Variants in JADE3 observed in about 807,000 individuals in gnomAD.
The protein encoded by JADE3 is protein Jade-3.
In JADE3, 2 loss-of-function variants were observed where a neutral mutation model predicts 50.1. The observed-to-expected ratio is 0.04, with a 90% CI of 0.02 to 0.13. The LOEUF is 0.13. Among genes scored for constraint, JADE3 ranks in the 10% least tolerant of loss-of-function variants. The probability of loss-of-function intolerance (pLI) is 1.00; values close to 1 mark genes in which losing one functional copy is unlikely to be tolerated. For missense variants in JADE3, 475 were observed against 634.4 expected, an observed-to-expected ratio of 0.75 and a Z score of 2.70; for synonymous variants, 218 against 232.9, an observed-to-expected ratio of 0.94 and a Z score of 0.58.
At chrX:47,018,948 TAGACTACACATGGCCTTTC>T (rs1298588527) in intron 4 of JADE3, among the ~76,000 whole-genome samples, 1 of 112,092 alleles carries the variant, frequency 8.9e-6, no homozygotes, top group Non-Finnish European at 1.9e-5. Context: ...TTGGATAACA[TAGACTACACATGGCCTTTC>T]CATTAGTTTG....
chrX:46,943,529 A>G (rs899084197), intron 1 of JADE3, among the ~76,000 whole-genome samples: 1 of 112,365 alleles, frequency 8.9e-6, no homozygotes, highest in Non-Finnish European at 1.9e-5. Flanking sequence ...ATTGAATTGC[A>G]TATGTTGAAC....
intron 1 of JADE3, among the ~76,000 whole-genome samples, chrX:46,949,295 CATA>C (rs1468574071): frequency 9.0e-6 from 1 of 111,670 alleles, no homozygotes; most frequent in Non-Finnish European, 1.9e-5. Flanking sequence ...GGGGCTGTTA[CATA>C]TAGTGCTTAT....
chrX:47,021,112 A>G (rs1928784555), intron 4 of JADE3, among the ~76,000 whole-genome samples: 1 of 109,963 alleles, frequency 9.1e-6, no homozygotes. Context: ...AATATTACCA[A>G]CACCCAAGAA....
chrX:47,016,663 C>T (rs1010522797), intron 4 of JADE3, among the ~76,000 whole-genome samples: 5 of 109,175 alleles, frequency 4.6e-5, no homozygotes, highest in Admixed American at 9.8e-5. Context: ...TGATCTACCA[C>T]GTCATAATAT....
chrX:46,957,213 T>TTAGATAGATAGATAGATAGA (rs61650300), intron 1 of JADE3, among the ~76,000 whole-genome samples: 100 of 98,576 alleles, frequency 1.0e-3, no homozygotes, highest in East Asian at 1.6e-3. Flanking sequence ...TTCAGATAGA[T>TTAGATAGATAGATAGATAGA]TAGATAGATA....
chrX:46,962,068 G>T lies in JADE3; in HGVS notation c.-11-22816G>T, dbSNP rs946299181. Among the ~76,000 whole-genome samples, 3 of 111,721 alleles carry T rather than the reference G, an allele frequency of 2.7e-5. No homozygotes were observed. The East Asian group carries it at 8.4e-4, about 31-fold the overall frequency. On this transcript the variant is annotated intron_variant, in intron 1 of 10. Transcript: ENST00000614628. ...CCTCTGTTCTGAGCATGTGGCTTCG[G>T]CTGTGGCCTGGGAGAGTGCCAGTTA...
At chrX:47,030,638 A>G (rs1928998931) in intron 6 of JADE3, among the ~76,000 whole-genome samples, 1 of 112,452 alleles carries the variant, frequency 8.9e-6, no homozygotes, top group Admixed American at 9.4e-5. Context: ...GTGACACCAT[A>G]TTACATTTCA....
chrX:47,015,720 C>CTT (rs1170777560), intron 4 of JADE3, among the ~76,000 whole-genome samples: 67 of 84,023 alleles, frequency 8.0e-4, no homozygotes, highest in Non-Finnish European at 9.3e-4. Context: ...GTCTCAGCAT[C>CTT]TTTTTTTTTT....
chrX:47,049,788 G>A (rs1929464443), intron 8 of JADE3, among the ~76,000 whole-genome samples: 1 of 82,484 alleles, frequency 1.2e-5, no homozygotes, highest in Non-Finnish European at 2.3e-5. Flanking sequence ...TTGAGAGGGA[G>A]TCTCGCCCTG....
intron 1 of JADE3, among the ~76,000 whole-genome samples, chrX:46,951,534 C>T (rs1342715064): frequency 1.0e-5 from 1 of 97,191 alleles, no homozygotes; most frequent in Non-Finnish European, 2.0e-5. Flanking sequence ...TTGCGGTGAG[C>T]GGAGATTGCA....
chrX:46,917,436 A>C (rs1556336596), intron 1 of JADE3, among the ~76,000 whole-genome samples: 1 of 111,107 alleles, frequency 9.0e-6, no homozygotes, highest in Non-Finnish European at 1.9e-5. Flanking sequence ...TGTGAGACTC[A>C]GAAAGGTGAA....
chrX:46,929,589 C>G (rs1926449323), intron 1 of JADE3, among the ~76,000 whole-genome samples: 1 of 111,498 alleles, frequency 9.0e-6, no homozygotes, highest in Admixed American at 9.5e-5. Flanking sequence ...TTCACTATAC[C>G]CTTGTTTCCC....
intron 1 of JADE3, among the ~76,000 whole-genome samples, chrX:46,970,223 G>A (rs1194365266): frequency 9.8e-5 from 11 of 112,102 alleles, no homozygotes; most frequent in African/African-American, 3.6e-4. Context: ...ACATGTATTG[G>A]CATTTATCTA....
intron 1 of JADE3, among the ~76,000 whole-genome samples, chrX:46,960,917 C>T (rs1927244273): frequency 9.0e-6 from 1 of 111,105 alleles, no homozygotes; most frequent in Admixed American, 9.6e-5. Flanking sequence ...AGTCAGATTT[C>T]ACCCTAAACT....
intron 5 of JADE3, 63 bp downstream of exon 5, chrX:47,024,977 AC>A: frequency 1.7e-6 from 1 of 572,805 alleles, no homozygotes; most frequent in Non-Finnish European, 2.7e-6. Flanking sequence ...AGTTATCAGA[AC>A]CCTTTAGCTT....
chrX:47,017,679 C>A (rs1296829483), intron 4 of JADE3, among the ~76,000 whole-genome samples: 1 of 111,776 alleles, frequency 8.9e-6, no homozygotes, highest in African/African-American at 3.3e-5. Flanking sequence ...TTGCTTTTTT[C>A]ACTTAATATA....
chrX:46,989,129 C>T (rs782420724), intron 3 of JADE3, among the ~76,000 whole-genome samples: 3 of 111,651 alleles, frequency 2.7e-5, no homozygotes, highest in Admixed American at 9.5e-5. Context: ...TGAGCCACTG[C>T]GCCCTGCCGC....
At chrX:47,037,110 A>T (rs1192800139) in intron 7 of JADE3, among the ~76,000 whole-genome samples, 36 of 55,199 alleles carry the variant, frequency 6.5e-4, no homozygotes, top group Non-Finnish European at 1.0e-4. Flanking sequence ...AAAGTATAAT[A>T]AAAAAAAAAA....
At chrX:47,035,687 G>C (rs1290828471) in intron 7 of JADE3, among the ~76,000 whole-genome samples, 1 of 111,199 alleles carries the variant, frequency 9.0e-6, no homozygotes, top group Non-Finnish European at 1.9e-5. Context: ...ACCAGTACTA[G>C]TTTGGCATCC....
Sources: allele counts gnomAD v4.1 joint callset (sites outside exome capture counted in the v4.1 genomes callset), GRCh38; gene constraint gnomAD v4.1.1; transcripts MANE v1.5; gene names NCBI Gene and HGNC (gene_info 2026-07-23, HGNC 2026-07-21).